CDKAL1: variants seen among roughly 807,000 people sequenced by gnomAD.
CDKAL1 encodes threonylcarbamoyladenosine tRNA methylthiotransferase.
CDKAL1 carries 32 observed loss-of-function variants against 68.2 expected under a neutral mutation model. The observed-to-expected ratio is 0.47, with a 90% CI of 0.35 to 0.63. CDKAL1 has a LOEUF of 0.63. Among genes scored for constraint, CDKAL1 ranks in the 30% least tolerant of loss-of-function variants. The pLI is 0.00. For synonymous variants in CDKAL1, 234 were observed against 244.3 expected (o/e 0.96, Z 0.39); for missense variants, 606 against 696.7 (o/e 0.87, Z 1.47).
chr6:21,110,829 A>T (rs1028807657), intron 13 of CDKAL1, among the ~76,000 whole-genome samples: 7 of 152,102 alleles, frequency 4.6e-5, no homozygotes, highest in Non-Finnish European at 8.8e-5. Context: ...TTAGCCAGGC[A>T]TGGTATTGCA....
chr6:20,964,009 A>G (rs1329828987), intron 10 of CDKAL1, among the ~76,000 whole-genome samples: 1 of 152,190 alleles, frequency 6.6e-6, no homozygotes, highest in African/African-American at 2.4e-5. Flanking sequence ...CATGAACAGA[A>G]ACTTTTCAGA....
chr6:20,562,105 T>C (rs1032494242), intron 4 of CDKAL1, among the ~76,000 whole-genome samples: 5 of 152,238 alleles, frequency 3.3e-5, no homozygotes, highest in Admixed American at 2.6e-4. Flanking sequence ...AGTATGGTTA[T>C]ATATATTTCC....
intron 13 of CDKAL1, among the ~76,000 whole-genome samples, chr6:21,132,281 G>A (rs2151022385): frequency 6.6e-6 from 1 of 152,212 alleles, no homozygotes; most frequent in Non-Finnish European, 1.5e-5. Context: ...AAATCATGGT[G>A]TACACGCGCA....
chr6:20,951,248 A>G (rs369986286), intron 9 of CDKAL1, among the ~76,000 whole-genome samples: 1 of 152,332 alleles, frequency 6.6e-6, no homozygotes, highest in Non-Finnish European at 1.5e-5. Flanking sequence ...GAGAAATGCT[A>G]CTTCTTGACT....
At chr6:21,217,777 C>T (rs551329132) in intron 15 of CDKAL1, among the ~76,000 whole-genome samples, 238 of 152,298 alleles carry the variant, frequency 1.6e-3, no homozygotes, top group African/African-American at 5.6e-3. Flanking sequence ...GGATTACAGG[C>T]GTGAGCCACC....
rs1137970 is a variant in CDKAL1, at chr6:21,232,384, A to G, written c.*1345A>G. The G allele has an allele frequency of 0.51, 77,389 of 152,106 alleles. 22,633 individuals carry two copies. Among genetic ancestry groups the G allele is most frequent in the Non-Finnish European group, 0.66 (44,631 of 67,968 alleles). 9.4% of individuals were successfully genotyped at this position (152,106 alleles called of 1,614,324 possible). A position where few individuals can be genotyped will look rare whatever the true frequency, so the allele number is the denominator to read the frequency against. On this transcript the variant is annotated 3_prime_UTR_variant, in exon 16 of 16. Coordinates refer to ENST00000274695, the MANE Select transcript of CDKAL1 (RefSeq NM_017774.3). ...GTGACTTCTTTCTTTAACAATAAAT[A>G]GAATTGGTATACTAAGCAAATCCTA...
chr6:20,921,173 G>A (rs1762937681), intron 9 of CDKAL1, among the ~76,000 whole-genome samples: 1 of 152,194 alleles, frequency 6.6e-6, no homozygotes, highest in Admixed American at 6.5e-5. Flanking sequence ...GCTCATGCCT[G>A]TAATCTCAGC....
At chr6:20,595,558 A>G (rs9465825) in intron 4 of CDKAL1, among the ~76,000 whole-genome samples, 4,601 of 151,992 alleles carry the variant, frequency 0.03, 229 homozygotes, top group African/African-American at 0.1. Flanking sequence ...TGGTTATTCT[A>G]GTTAGCAATT....
chr6:20,858,633 T>C (rs1284302322), intron 9 of CDKAL1, among the ~76,000 whole-genome samples: 1 of 152,184 alleles, frequency 6.6e-6, no homozygotes, highest in Non-Finnish European at 1.5e-5. Flanking sequence ...TGAGAAGAAG[T>C]GCTAAATCTG....
chr6:20,841,232 C>T (rs1161872142), intron 8 of CDKAL1, among the ~76,000 whole-genome samples: 1 of 152,148 alleles, frequency 6.6e-6, no homozygotes, highest in Non-Finnish European at 1.5e-5. Flanking sequence ...AAAGTGGAGG[C>T]TGTGAGTATT....
chr6:21,085,469 C>T, intron 12 of CDKAL1, among the ~76,000 whole-genome samples: 1 of 152,124 alleles, frequency 6.6e-6, no homozygotes, highest in Non-Finnish European at 1.5e-5. Flanking sequence ...TGTGTCTCCA[C>T]TGCTGTAAGA....
chr6:21,142,086 G>A (rs573517235), intron 13 of CDKAL1, among the ~76,000 whole-genome samples: 25 of 152,188 alleles, frequency 1.6e-4, no homozygotes, highest in Admixed American at 9.2e-4. Context: ...GTCCTCAGTA[G>A]TGTGCACCAG....
intron 2 of CDKAL1, among the ~76,000 whole-genome samples, chr6:20,540,283 C>A (rs950215039): frequency 1.3e-5 from 2 of 151,696 alleles, no homozygotes; most frequent in Non-Finnish European, 1.5e-5. Context: ...CCATGTTGGA[C>A]AGGCTGGTCT....
chr6:21,065,183 A>G lies in CDKAL1; in HGVS notation c.1191A>G (p.Arg397=). Residue 397 remains arginine (R), a synonymous_variant, in exon 12 of 16, where the codon AGA becomes AGG. Transcript: ENST00000274695. ...PSLFINQFYP[R]PGTPAAKMEQ... ...TGTTTATTAACCAATTTTACCCAAG[A>G]CCAGGAACTCCTGCTGCAAAAATGG... is the stretch of plus-strand genomic sequence containing the variant. 6.2e-7 allele frequency: 1 copy of G among 1,610,588 alleles called. No individual in the cohort carries two copies. Among genetic ancestry groups the G allele is most frequent in the South Asian group, 1.1e-5 (1 of 89,418 alleles).
At chr6:20,900,178 A>T (rs879661135) in intron 9 of CDKAL1, among the ~76,000 whole-genome samples, 3 of 152,200 alleles carry the variant, frequency 2.0e-5, no homozygotes, top group Non-Finnish European at 2.9e-5. Context: ...TTTATACTAT[A>T]TAGAATTTGG....
At chr6:21,196,489 T>C (rs1264990565) in intron 13 of CDKAL1, among the ~76,000 whole-genome samples, 1 of 152,224 alleles carries the variant, frequency 6.6e-6, no homozygotes, top group Admixed American at 6.5e-5. Context: ...GAAAAGAGTC[T>C]TTAGTAAGTG....
intron 9 of CDKAL1, among the ~76,000 whole-genome samples, chr6:20,944,353 A>C (rs998833344): frequency 3.0e-5 from 4 of 133,702 alleles, no homozygotes; most frequent in African/African-American, 1.0e-4. Flanking sequence ...AAGTCCTCAC[A>C]GTATGTCCTT....
rs555489430 is a variant in CDKAL1 at position 21,052,030 on chromosome 6, A to G, written c.1056-13018A>G. On this transcript the variant is annotated intron_variant, in intron 11 of 15. Transcript: ENST00000274695. ...ACACTAGACTTTCTTTGTCTTAGTC[A>G]CTCATTATGGCTTTTCAGCCCTCAT... is the stretch of plus-strand genomic sequence containing the variant. Among the ~76,000 whole-genome samples, 3 of 152,292 alleles carry G rather than the reference A, an allele frequency of 2.0e-5. No individual in the cohort carries two copies. In the South Asian group the frequency reaches 6.2e-4, roughly 32 times the overall value.
At chr6:21,038,282 G>A (rs1038463311) in intron 11 of CDKAL1, among the ~76,000 whole-genome samples, 1 of 152,158 alleles carries the variant, frequency 6.6e-6, no homozygotes, top group African/African-American at 2.4e-5. Context: ...TGTGTGTGGA[G>A]GCCAGTAGGC....
Sources: allele counts gnomAD v4.1 joint callset (sites outside exome capture counted in the v4.1 genomes callset), GRCh38; gene constraint gnomAD v4.1.1; transcripts MANE v1.5; gene names NCBI Gene and HGNC (gene_info 2026-07-23, HGNC 2026-07-21).